Variants in ROBO2 observed in about 807,000 individuals in gnomAD.
The protein encoded by ROBO2 is roundabout guidance receptor 2.
Under a neutral mutation model 160.8 loss-of-function variants are expected in ROBO2, and 53 were observed. The ratio of observed to expected loss-of-function variants is 0.33; its 90% CI spans 0.26 to 0.41. ROBO2 has a LOEUF of 0.41. Among genes scored for constraint, ROBO2 ranks in the 10% least tolerant of loss-of-function variants. The pLI is 1.00. For synonymous variants in ROBO2, 664 were observed against 611.7 expected (o/e 1.09, Z -1.26); for missense variants, 1,577 against 1,722.4 (o/e 0.92, Z 1.49).
chr3:76,801,380 A>C (rs1217436430), intron 2 of ROBO2, among the ~76,000 whole-genome samples: 2 of 152,122 alleles, frequency 1.3e-5, no homozygotes, highest in East Asian at 3.9e-4. Context: ...AGTCAGTAAT[A>C]ATTTGTTGTA....
At chr3:77,646,865 A>G (rs1284839902) in exon 26 of ROBO2, 4 of 152,556 alleles carry the variant, frequency 2.6e-5, no homozygotes, top group Admixed American at 2.0e-4. Flanking sequence ...TTTAGAATCA[A>G]TTTTACCTGT....
chr3:76,928,649 A>C (rs1290160937), intron 2 of ROBO2, among the ~76,000 whole-genome samples: 1 of 152,034 alleles, frequency 6.6e-6, no homozygotes, highest in South Asian at 2.1e-4. Flanking sequence ...ACAGGGTCTC[A>C]ACAATTCTAC....
chr3:77,322,185 T>G (rs1220063251), intron 2 of ROBO2, among the ~76,000 whole-genome samples: 2 of 152,210 alleles, frequency 1.3e-5, no homozygotes, highest in Non-Finnish European at 2.9e-5. Flanking sequence ...AATAGACTTA[T>G]TCACAAAACA....
rs901086227 is a variant in ROBO2, at chr3:75,997,616, C to T, written c.109+60014C>T. Among the ~76,000 whole-genome samples, 8 of 151,554 alleles carry T rather than the reference C, an allele frequency of 5.3e-5. 1 individual carries two copies. In the East Asian group the frequency reaches 9.8e-4, roughly 19 times the overall value. ...CATGCCATTCTCCTGCCCAGCCTCC[C>T]GAGTAGCTGGGACTACAGGCGCCCG... On this transcript the variant is annotated intron_variant, in intron 2 of 26. Coordinates refer to the ROBO2 transcript ENST00000487694.
At chr3:77,249,572 C>T (rs927694907) in intron 2 of ROBO2, among the ~76,000 whole-genome samples, 2 of 152,064 alleles carry the variant, frequency 1.3e-5, no homozygotes, top group African/African-American at 4.8e-5. Context: ...GCTGAATACT[C>T]CCATCCATCA....
intron 2 of ROBO2, among the ~76,000 whole-genome samples, chr3:77,136,479 CTTTTTTT>C (rs59688881): frequency 1.5e-5 from 1 of 67,918 alleles, no homozygotes; most frequent in Non-Finnish European, 2.6e-5. Flanking sequence ...ATAAAATATG[CTTTTTTT>C]TTTTTTTTTT....
intron 2 of ROBO2, among the ~76,000 whole-genome samples, chr3:77,257,346 G>A (rs116011800): frequency 0.013 from 1,990 of 152,288 alleles, 50 homozygotes; most frequent in African/African-American, 0.045. Flanking sequence ...TTTTATGGCT[G>A]AGAAGCTTCA....
intron 5 of ROBO2, among the ~76,000 whole-genome samples, chr3:77,501,272 G>A (rs2087560138): frequency 6.6e-6 from 1 of 151,910 alleles, no homozygotes; most frequent in Admixed American, 6.6e-5. Context: ...ACTCTCCCCT[G>A]TACCTAGGTT....
intron 2 of ROBO2, among the ~76,000 whole-genome samples, chr3:76,751,098 A>G (rs1039315772): frequency 1.3e-5 from 2 of 152,104 alleles, no homozygotes; most frequent in Non-Finnish European, 2.9e-5. Flanking sequence ...CAAAACAGAG[A>G]TATAGACCAA....
intron 2 of ROBO2, among the ~76,000 whole-genome samples, chr3:76,983,001 G>A (rs1235286629): frequency 6.6e-6 from 1 of 152,130 alleles, no homozygotes; most frequent in African/African-American, 2.4e-5. Context: ...ATTATGAAGT[G>A]TAGACCAGGC....
intron 18 of ROBO2, 84 bp from the exon 20 acceptor site, chr3:77,596,539 C>T: frequency 6.5e-7 from 1 of 1,543,870 alleles, no homozygotes; most frequent in Non-Finnish European, 8.9e-7. Context: ...TCTTCCATTT[C>T]TTAACGCTTT....
chr3:75,991,167 G>A (rs2065556463), intron 2 of ROBO2, among the ~76,000 whole-genome samples: 1 of 152,094 alleles, frequency 6.6e-6, no homozygotes, highest in African/African-American at 2.4e-5. Context: ...ATCTATGTGT[G>A]TATGTATGTA....
At chr3:77,204,394 C>T (rs1403460828) in intron 2 of ROBO2, among the ~76,000 whole-genome samples, 1 of 152,036 alleles carries the variant, frequency 6.6e-6, no homozygotes, top group Non-Finnish European at 1.5e-5. Context: ...ATATTTGATG[C>T]TTAATTGATA....
At chr3:77,584,066 T>A (rs1192281281) in intron 16 of ROBO2, among the ~76,000 whole-genome samples, 1 of 152,168 alleles carries the variant, frequency 6.6e-6, no homozygotes, top group Admixed American at 6.6e-5. Flanking sequence ...TCTCTTTGCA[T>A]GCACAGTTCA....
At chr3:77,614,528 C>T (rs1313981631) in intron 21 of ROBO2, among the ~76,000 whole-genome samples, 1 of 152,020 alleles carries the variant, frequency 6.6e-6, no homozygotes, top group African/African-American at 2.4e-5. Context: ...TCCTATCAAA[C>T]CATACAGGGC....
At chr3:76,738,143 A>T (rs980759553) in intron 2 of ROBO2, among the ~76,000 whole-genome samples, 1 of 152,140 alleles carries the variant, frequency 6.6e-6, no homozygotes, top group Non-Finnish European at 1.5e-5. Context: ...CAAAAAAAAT[A>T]AAAAATAAAA....
At chr3:76,915,972 C>T (rs2076278871) in intron 2 of ROBO2, among the ~76,000 whole-genome samples, 1 of 152,080 alleles carries the variant, frequency 6.6e-6, no homozygotes, top group Non-Finnish European at 1.5e-5. Flanking sequence ...GCTCATATGC[C>T]TCTCTTATAA....
rs139348471 is a variant in ROBO2 at position 76,384,721 on chromosome 3, G to C, written c.109+447119G>C. On this transcript the variant is annotated intron_variant, in intron 2 of 26. Coordinates refer to the ROBO2 transcript ENST00000487694. Reference sequence around the variant, plus strand: ...GCAGGAAGGGTAAGTACTGAGGAGAGGGGAAAAGCCCCTTATAAAACCATC... The same window carrying C: ...GCAGGAAGGGTAAGTACTGAGGAGACGGGAAAAGCCCCTTATAAAACCATC... Among the ~76,000 whole-genome samples, 134 of 152,222 alleles carry C rather than the reference G, an allele frequency of 8.8e-4. 4 individuals are homozygous for C. In the East Asian group the frequency reaches 0.023, roughly 27 times the overall value.
chr3:76,711,189 G>A (rs1388010564), intron 2 of ROBO2, among the ~76,000 whole-genome samples: 1 of 152,168 alleles, frequency 6.6e-6, no homozygotes, highest in Non-Finnish European at 1.5e-5. Flanking sequence ...GGATTAACAG[G>A]GAACATGACT....
Sources: gnomAD v4.1 joint callset for allele counts (sites outside exome capture counted in the v4.1 genomes callset) on GRCh38, gnomAD v4.1.1 for gene constraint, MANE v1.5 for transcripts, NCBI Gene and HGNC (gene_info 2026-07-23, HGNC 2026-07-21) for gene names.